SLC4A4: variants seen among roughly 807,000 people sequenced by gnomAD.
SLC4A4 encodes the protein solute carrier family 4 member 4.
Under a neutral mutation model 111.5 loss-of-function variants are expected in SLC4A4, and 27 were observed. That is an observed-to-expected ratio of 0.24 (90% CI 0.18 to 0.33). SLC4A4 has a LOEUF of 0.33. SLC4A4 is among the 10% of genes least tolerant of loss of function. SLC4A4 has a pLI of 1.00. For synonymous variants in SLC4A4, 443 were observed against 463.4 expected, an observed-to-expected ratio of 0.96 and a Z score of 0.57; for missense variants, 909 against 1,315.5, an observed-to-expected ratio of 0.69 and a Z score of 4.78.
At chr4:71,352,592 A>C (rs1214489628) in intron 5 of SLC4A4, among the ~76,000 whole-genome samples, 1 of 152,224 alleles carries the variant, frequency 6.6e-6, no homozygotes, top group Non-Finnish European at 1.5e-5. Flanking sequence ...ATGTATGACC[A>C]TGGGCAAGGC....
At chr4:71,464,613 AGAGT>A (rs1404524299) in intron 12 of SLC4A4, among the ~76,000 whole-genome samples, 2 of 152,118 alleles carry the variant, frequency 1.3e-5, no homozygotes, top group African/African-American at 4.8e-5. Flanking sequence ...GGATTGTTTC[AGAGT>A]GTGTGTATTT....
intron 1 of SLC4A4, among the ~76,000 whole-genome samples, chr4:71,212,314 G>C (rs1366763401): frequency 6.6e-6 from 1 of 152,202 alleles, no homozygotes; most frequent in Non-Finnish European, 1.5e-5. Context: ...TTCGGGGTTA[G>C]TTTTAATGTA....
intron 2 of SLC4A4, among the ~76,000 whole-genome samples, chr4:71,240,442 A>G (rs891033377): frequency 2.0e-5 from 3 of 152,184 alleles, no homozygotes; most frequent in African/African-American, 7.2e-5. Flanking sequence ...ATTGGTTGAA[A>G]TGTGTCTCCA....
intron 7 of SLC4A4, among the ~76,000 whole-genome samples, chr4:71,402,359 C>T (rs941282883): frequency 1.3e-5 from 2 of 152,040 alleles, no homozygotes; most frequent in Non-Finnish European, 2.9e-5. Flanking sequence ...AGATTTCCAT[C>T]CCAGGGCTCA....
chr4:71,413,706 A>G (rs1365649765), intron 7 of SLC4A4, among the ~76,000 whole-genome samples: 3 of 152,194 alleles, frequency 2.0e-5, no homozygotes, highest in African/African-American at 7.2e-5. Context: ...TTGCTGTTCT[A>G]GAAGTATAAC....
chr4:71,110,102 C>A (rs1743047975), intron 2 of SLC4A4, among the ~76,000 whole-genome samples: 1 of 152,174 alleles, frequency 6.6e-6, no homozygotes, highest in African/African-American at 2.4e-5. Flanking sequence ...TTGCATCAGG[C>A]AGATTGCTGG....
chr4:71,068,769 G>A (rs892266892), intron 1 of SLC4A4, among the ~76,000 whole-genome samples: 10 of 151,842 alleles, frequency 6.6e-5, no homozygotes, highest in Admixed American at 2.6e-4. Context: ...ATCTCACTAC[G>A]TTGCCCAGGC....
chr4:71,129,275 A>T (rs1743636067), intron 2 of SLC4A4, among the ~76,000 whole-genome samples: 2 of 152,210 alleles, frequency 1.3e-5, no homozygotes, highest in African/African-American at 2.4e-5. Context: ...CAAGCAAAAA[A>T]CAAGAGACCT....
chr4:71,534,491 T>A, intron 18 of SLC4A4, 103 bp downstream of exon 18: 1 of 1,083,234 alleles, frequency 9.2e-7, no homozygotes. Context: ...GGAGTTACTA[T>A]AGCTAATGTT....
At chr4:71,110,164 A>G (rs1198763582) in intron 2 of SLC4A4, among the ~76,000 whole-genome samples, 1 of 152,070 alleles carries the variant, frequency 6.6e-6, no homozygotes, top group Non-Finnish European at 1.5e-5. Flanking sequence ...TTTCTATTCA[A>G]TCATCTTCCC....
chr4:71,545,489 A>T (rs547709689), intron 18 of SLC4A4, among the ~76,000 whole-genome samples: 3 of 152,092 alleles, frequency 2.0e-5, no homozygotes, highest in African/African-American at 7.2e-5. Context: ...CAAGTATTTG[A>T]TTTCTTCATA....
chr4:71,316,595 G>T (rs1028282309), intron 3 of SLC4A4, among the ~76,000 whole-genome samples: 2 of 151,944 alleles, frequency 1.3e-5, no homozygotes, highest in Non-Finnish European at 2.9e-5. Flanking sequence ...TGCCAAATGC[G>T]CAAGTTTGTT....
At chr4:71,553,557 C>A (rs10030140) in intron 20 of SLC4A4, among the ~76,000 whole-genome samples, 1,552 of 151,912 alleles carry the variant, frequency 0.01, 25 homozygotes, top group African/African-American at 0.036. Flanking sequence ...TCTCTTTTCC[C>A]TTCTTACTTT....
chr4:71,371,245 C>CTTTT (rs71213506), intron 6 of SLC4A4, among the ~76,000 whole-genome samples: 5 of 120,076 alleles, frequency 4.2e-5, no homozygotes, highest in Admixed American at 9.5e-5. Context: ...CCAGGAATGC[C>CTTTT]TTTTTTTTTT....
intron 3 of SLC4A4, among the ~76,000 whole-genome samples, chr4:71,296,366 A>T (rs1724789469): frequency 6.6e-6 from 1 of 152,210 alleles, no homozygotes; most frequent in African/African-American, 2.4e-5. Context: ...TTTGCAATAG[A>T]TAAATTGACT....
At chr4:71,513,437 T>A (rs915869491) in intron 16 of SLC4A4, among the ~76,000 whole-genome samples, 2 of 152,208 alleles carry the variant, frequency 1.3e-5, no homozygotes, top group Non-Finnish European at 2.9e-5. Context: ...TGGCTAGATC[T>A]TGGTGTATAG....
chr4:71,306,935 T>C (rs1460548273), intron 3 of SLC4A4, among the ~76,000 whole-genome samples: 1 of 152,220 alleles, frequency 6.6e-6, no homozygotes, highest in East Asian at 1.9e-4. Context: ...TTGCTAATTA[T>C]AAGTCATGCT....
At chr4:71,399,486 T>TCTCC (rs1264896590) in intron 7 of SLC4A4, among the ~76,000 whole-genome samples, 3 of 29,674 alleles carry the variant, frequency 1.0e-4, no homozygotes, top group South Asian at 1.1e-3. Context: ...CCCCTCCCCC[T>TCTCC]CTCCCTCCCT....
intron 6 of SLC4A4, 64 bp downstream of exon 6, chr4:71,357,251 C>G: frequency 1.5e-5 from 22 of 1,497,790 alleles, no homozygotes; most frequent in Non-Finnish European, 2.0e-5. Flanking sequence ...TACACCGTCT[C>G]CTGTCATCTT....
Sources: allele counts gnomAD v4.1 joint callset (sites outside exome capture counted in the v4.1 genomes callset), GRCh38; gene constraint gnomAD v4.1.1; transcripts MANE v1.5; gene names NCBI Gene and HGNC (gene_info 2026-07-23, HGNC 2026-07-21).